PLEKHB2: variants seen among roughly 807,000 people sequenced by gnomAD.
PLEKHB2 encodes the protein pleckstrin homology domain containing B2.
PLEKHB2 carries 31 observed loss-of-function variants against 36.5 expected under a neutral mutation model. That is an observed-to-expected ratio of 0.85 (90% CI 0.64 to 1.15). The LOEUF (loss-of-function observed/expected upper bound fraction) is 1.15, where lower values mean the gene tolerates loss of function less well. Among genes scored for constraint, PLEKHB2 ranks in the 50% most tolerant of loss-of-function variants. The probability of loss-of-function intolerance (pLI) is 0.00; values close to 1 mark genes in which losing one functional copy is unlikely to be tolerated. For synonymous variants in PLEKHB2, 119 were observed against 112.0 expected (o/e 1.06, Z -0.39); for missense variants, 262 against 295.3 (o/e 0.89, Z 0.83).
intron 6 of PLEKHB2, among the ~76,000 whole-genome samples, chr2:131,137,296 C>G (rs1227623657): frequency 6.6e-6 from 1 of 152,194 alleles, no homozygotes; most frequent in African/African-American, 2.4e-5. Context: ...TGTCACAGTT[C>G]TGGAGGCTGA....
At chr2:131,127,582 T>A (rs575108081) in intron 4 of PLEKHB2, among the ~76,000 whole-genome samples, 2 of 152,306 alleles carry the variant, frequency 1.3e-5, no homozygotes, top group Non-Finnish European at 2.9e-5. Flanking sequence ...TAGAGACTTT[T>A]GAGAAAGATG....
At chr2:131,141,520 G>A (rs1243232915) in intron 7 of PLEKHB2, among the ~76,000 whole-genome samples, 2 of 151,322 alleles carry the variant, frequency 1.3e-5, no homozygotes, top group Non-Finnish European at 1.5e-5. Context: ...GGCACCTATA[G>A]TTCCAGCTAC....
intron 6 of PLEKHB2, among the ~76,000 whole-genome samples, chr2:131,136,943 TC>T (rs1559098366): frequency 1.5e-4 from 22 of 150,356 alleles, no homozygotes; most frequent in African/African-American, 4.9e-4. Flanking sequence ...TTCTTTCTTT[TC>T]TTTCTTTTTT....
chr2:131,127,900 C>T (rs939986421), intron 4 of PLEKHB2, among the ~76,000 whole-genome samples: 1 of 152,148 alleles, frequency 6.6e-6, no homozygotes, highest in East Asian at 1.9e-4. Flanking sequence ...AGAGGCTGGA[C>T]GGTTCTCCCA....
intron 7 of PLEKHB2, 149 bp downstream of exon 7, chr2:131,140,424 A>G: frequency 3.5e-6 from 2 of 574,354 alleles, no homozygotes; most frequent in Non-Finnish European, 6.2e-6. Context: ...CTATGCTTTA[A>G]GAAAGCCTTT....
intron 4 of PLEKHB2, among the ~76,000 whole-genome samples, chr2:131,128,052 GACTT>G (rs1429864819): frequency 6.6e-6 from 1 of 152,166 alleles, no homozygotes; most frequent in Non-Finnish European, 1.5e-5. Flanking sequence ...TTTCAGAAAA[GACTT>G]ACTCGGTCTC....
intron 1 of PLEKHB2, among the ~76,000 whole-genome samples, chr2:131,113,973 G>C (rs1165910221): frequency 6.6e-6 from 1 of 152,084 alleles, no homozygotes; most frequent in Non-Finnish European, 1.5e-5. Context: ...GAGTTGGCTT[G>C]CTGTGTTTTG....
intron 6 of PLEKHB2, among the ~76,000 whole-genome samples, chr2:131,135,778 T>A (rs1021368370): frequency 3.9e-5 from 6 of 152,114 alleles, no homozygotes; most frequent in African/African-American, 9.6e-5. Flanking sequence ...TTTTTTTATT[T>A]TTTTTATTTT....
At chr2:131,116,596 T>G (rs1408391584) in intron 1 of PLEKHB2, among the ~76,000 whole-genome samples, 1 of 152,092 alleles carries the variant, frequency 6.6e-6, no homozygotes, top group East Asian at 1.9e-4. Flanking sequence ...GTAGATCTCC[T>G]GAGAACTCTA....
At chr2:131,106,568 C>G (rs1313462776) in intron 1 of PLEKHB2, among the ~76,000 whole-genome samples, 2 of 152,262 alleles carry the variant, frequency 1.3e-5, no homozygotes, top group Non-Finnish European at 2.9e-5. Flanking sequence ...GCCTAAGGAC[C>G]TGTGGGGGTG....
intron 1 of PLEKHB2, chr2:131,120,667 T>G: frequency 2.7e-5 from 14 of 509,486 alleles, no homozygotes; most frequent in East Asian, 1.1e-4. Context: ...TGGGGCTGCT[T>G]TATGTTTGTT....
chr2:131,135,796 G>A (rs1698185246), intron 6 of PLEKHB2, among the ~76,000 whole-genome samples: 1 of 151,668 alleles, frequency 6.6e-6, no homozygotes, highest in Admixed American at 6.6e-5. Context: ...TTTTAGTAGA[G>A]ACGGGGTTTC....
At chr2:131,114,578 C>T (rs1051829691) in intron 1 of PLEKHB2, among the ~76,000 whole-genome samples, 2 of 152,184 alleles carry the variant, frequency 1.3e-5, no homozygotes, top group East Asian at 3.8e-4. Context: ...CTTTTATGCT[C>T]TGCTTCTTCT....
At chr2:131,121,556 A>G (rs762645280) in intron 2 of PLEKHB2, among the ~76,000 whole-genome samples, 20 of 152,136 alleles carry the variant, frequency 1.3e-4, no homozygotes, top group Non-Finnish European at 2.6e-4. Context: ...TGCGTGCTTT[A>G]TTATTAATGA....
chr2:131,108,675 T>C (rs1364485467), intron 1 of PLEKHB2, among the ~76,000 whole-genome samples: 1 of 152,196 alleles, frequency 6.6e-6, no homozygotes, highest in Admixed American at 6.5e-5. Context: ...GTTTACAAAT[T>C]TGTGTTGGGC....
intron 1 of PLEKHB2, among the ~76,000 whole-genome samples, chr2:131,117,409 A>G (rs1296661728): frequency 6.6e-6 from 1 of 152,200 alleles, no homozygotes. Context: ...GCGATGGCAC[A>G]AACAAAGAAA....
At chr2:131,114,568 C>T (rs1695664535) in intron 1 of PLEKHB2, among the ~76,000 whole-genome samples, 1 of 152,168 alleles carries the variant, frequency 6.6e-6, no homozygotes, top group South Asian at 2.1e-4. Context: ...ATTTTCCAAA[C>T]TTTTATGCTC....
At chr2:131,106,514 CACAG>C (rs1373665314) in intron 1 of PLEKHB2, among the ~76,000 whole-genome samples, 1 of 152,186 alleles carries the variant, frequency 6.6e-6, no homozygotes, top group African/African-American at 2.4e-5. Flanking sequence ...AACATGTATG[CACAG>C]ACACAGCTGT....
At chr2:131,111,823 C>T (rs945726934) in intron 1 of PLEKHB2, among the ~76,000 whole-genome samples, 5 of 151,916 alleles carry the variant, frequency 3.3e-5, no homozygotes, top group Admixed American at 3.3e-4. Context: ...TTCTTTTGTA[C>T]CCAGCATTGT....
Sources: gnomAD v4.1 joint callset for allele counts (sites outside exome capture counted in the v4.1 genomes callset) on GRCh38, gnomAD v4.1.1 for gene constraint, MANE v1.5 for transcripts, NCBI Gene and HGNC (gene_info 2026-07-23, HGNC 2026-07-21) for gene names.